Variants in ELMO1 observed in about 807,000 individuals in gnomAD.
ELMO1 encodes the protein engulfment and cell motility protein 1.
A neutral mutation model predicts 98.9 loss-of-function variants in ELMO1; 26 were observed. That is an observed-to-expected ratio of 0.26 (90% CI 0.19 to 0.36). The LOEUF is 0.36. ELMO1 is among the 10% of genes least tolerant of loss of function. The pLI, the probability that ELMO1 is intolerant of heterozygous loss-of-function variation, is 1.00. For synonymous variants in ELMO1, 346 were observed against 346.0 expected, an observed-to-expected ratio of 1.00 and a Z score of 0.00; for missense variants, 627 against 935.2, an observed-to-expected ratio of 0.67 and a Z score of 4.30.
At chr7:37,240,838 T>G (rs1794729906) in intron 7 of ELMO1, among the ~76,000 whole-genome samples, 1 of 152,206 alleles carries the variant, frequency 6.6e-6, no homozygotes, top group African/African-American at 2.4e-5. Context: ...AAGAACATAA[T>G]CTGTGTAATT....
chr7:37,246,716 G>A lies in ELMO1; in HGVS notation c.414-2325C>T, dbSNP rs1045684785. The stretch of plus-strand genomic sequence containing the variant: ...TTTTGGGCTATCAGATTCTAGTCCT[G>A]TTGGCTTTGAGTTATTTTACAACGC... On this transcript the variant is annotated intron_variant, in intron 6 of 21. Transcript: ENST00000310758. Among the ~76,000 whole-genome samples the A allele has an allele frequency of 1.1e-4, 17 of 152,258 alleles. No individual in the cohort carries two copies. The East Asian group carries it at 3.1e-3, about 28-fold the overall frequency.
chr7:37,383,165 T>TAAA (rs1802647378), intron 1 of ELMO1, among the ~76,000 whole-genome samples: 1 of 152,242 alleles, frequency 6.6e-6, no homozygotes, highest in Non-Finnish European at 1.5e-5. Flanking sequence ...TGTCCTTTAT[T>TAAA]ATAAAAGAAA....
intron 1 of ELMO1, among the ~76,000 whole-genome samples, chr7:37,425,353 C>A (rs1222703563): frequency 1.3e-5 from 2 of 152,162 alleles, no homozygotes; most frequent in Non-Finnish European, 2.9e-5. Flanking sequence ...TAAGGCCCTC[C>A]CAAAGACCCC....
At chr7:37,345,744 C>G (rs192516889) in intron 1 of ELMO1, among the ~76,000 whole-genome samples, 4 of 151,648 alleles carry the variant, frequency 2.6e-5, no homozygotes, top group Non-Finnish European at 4.4e-5. Context: ...AATCCCAGCA[C>G]TTTGGGAGGC....
At chr7:37,316,686 T>C (rs1322011166) in intron 2 of ELMO1, among the ~76,000 whole-genome samples, 2 of 152,136 alleles carry the variant, frequency 1.3e-5, no homozygotes, top group Admixed American at 6.5e-5. Context: ...CTGTTTTGGA[T>C]GCAAACAAGA....
intron 2 of ELMO1, among the ~76,000 whole-genome samples, chr7:37,332,143 AC>A (rs1264349159): frequency 6.6e-6 from 1 of 152,200 alleles, no homozygotes; most frequent in Non-Finnish European, 1.5e-5. Flanking sequence ...TCTCAAAGTC[AC>A]TGATTGTCTT....
rs1584914628 is a variant in ELMO1, at chr7:37,282,583, T to C, written c.193-10701A>G. Among the ~76,000 whole-genome samples the C allele has an allele frequency of 2.6e-5, 4 of 151,704 alleles. No individual in the cohort carries two copies. In the South Asian group the frequency reaches 6.3e-4, roughly 24 times the overall value. On this transcript the variant is annotated intron_variant, in intron 4 of 21. Transcript: ENST00000310758. Reference sequence around the variant, plus strand: ...ACGGATCGACCGTTAAGGAAGCATATTAGAAATACCCTAAAATAAAATCCA... The same window carrying C: ...ACGGATCGACCGTTAAGGAAGCATACTAGAAATACCCTAAAATAAAATCCA...
intron 5 of ELMO1, chr7:37,270,012 T>C (rs891384199): frequency 1.3e-5 from 2 of 152,198 alleles, no homozygotes; most frequent in African/African-American, 4.8e-5. Context: ...TAGAGAAGGC[T>C]TTGATTAAAA....
intron 13 of ELMO1, among the ~76,000 whole-genome samples, chr7:37,206,451 C>A (rs141932245): frequency 6.6e-6 from 1 of 152,140 alleles, no homozygotes; most frequent in Non-Finnish European, 1.5e-5. Flanking sequence ...TAGACAAAGA[C>A]GCTTCCTTCC....
intron 16 of ELMO1, among the ~76,000 whole-genome samples, chr7:36,996,213 ACT>A (rs367977463): frequency 1.0e-3 from 156 of 152,120 alleles, no homozygotes; most frequent in African/African-American, 3.4e-3. Context: ...TAGAAGAATC[ACT>A]CTTTTTCCTG....
intron 1 of ELMO1, among the ~76,000 whole-genome samples, chr7:37,376,952 C>G (rs1299466884): frequency 2.6e-5 from 4 of 152,178 alleles, no homozygotes; most frequent in African/African-American, 7.2e-5. Flanking sequence ...TACCAATGCT[C>G]CTGGACTTTC....
At chr7:37,063,028 A>T (rs1187708107) in intron 15 of ELMO1, among the ~76,000 whole-genome samples, 1 of 152,212 alleles carries the variant, frequency 6.6e-6, no homozygotes, top group Non-Finnish European at 1.5e-5. Flanking sequence ...CAGGCCCAGG[A>T]TGAGAATTTA....
chr7:37,163,939 T>A (rs1789432481), intron 13 of ELMO1, among the ~76,000 whole-genome samples: 2 of 152,228 alleles, frequency 1.3e-5, no homozygotes, highest in Non-Finnish European at 2.9e-5. Flanking sequence ...GTTGAACTAG[T>A]TTACAGTCCC....
chr7:37,443,737 C>T (rs139590604), intron 1 of ELMO1, among the ~76,000 whole-genome samples: 6 of 152,182 alleles, frequency 3.9e-5, no homozygotes, highest in African/African-American at 1.2e-4. Context: ...GGGAAATAAG[C>T]ATTGCAACCA....
intron 15 of ELMO1, among the ~76,000 whole-genome samples, chr7:37,042,080 T>C (rs1795542122): frequency 6.6e-6 from 1 of 150,624 alleles, no homozygotes; most frequent in Admixed American, 6.6e-5. Flanking sequence ...AGCTCAGGAG[T>C]TTGAGACCAA....
intron 14 of ELMO1, among the ~76,000 whole-genome samples, chr7:37,111,530 C>T (rs767024584): frequency 2.0e-5 from 3 of 152,198 alleles, no homozygotes; most frequent in Non-Finnish European, 4.4e-5. Flanking sequence ...AACTTTTGTA[C>T]TAGCATACTA....
At chr7:36,919,699 C>T (rs1784987638) in intron 16 of ELMO1, among the ~76,000 whole-genome samples, 1 of 152,092 alleles carries the variant, frequency 6.6e-6, no homozygotes, top group Non-Finnish European at 1.5e-5. Context: ...TTCCCCATTG[C>T]TCATGAAACT....
rs868718183 is a variant in ELMO1 at position 36,932,241 on chromosome 7, T to A, written c.1438-37224A>T. On this transcript the variant is annotated intron_variant, in intron 16 of 21. Transcript: ENST00000310758. ...CAGTTTCCTTCATAAGAAGTATTAG[T>A]TTTCTGTGTTTTCTCTCTCTCAAGG... Among the ~76,000 whole-genome samples, 67 of 152,274 alleles carry A rather than the reference T, an allele frequency of 4.4e-4. 1 individual carries two copies. The highest frequency in any genetic ancestry group is 1.6e-3 in the African/African-American group (67 of 41,538).
intron 7 of ELMO1, among the ~76,000 whole-genome samples, chr7:37,237,273 G>A (rs371310392): frequency 2.6e-5 from 4 of 152,154 alleles, no homozygotes; most frequent in South Asian, 2.1e-4. Flanking sequence ...TGGCAAGCCC[G>A]TTAATACAGA....
Sources: allele counts gnomAD v4.1 joint callset (sites outside exome capture counted in the v4.1 genomes callset), GRCh38; gene constraint gnomAD v4.1.1; transcripts MANE v1.5; gene names NCBI Gene and HGNC (gene_info 2026-07-23, HGNC 2026-07-21).